The following CYB5R4 variants were observed in gnomAD, a reference collection of about 807,000 sequenced individuals.
CYB5R4 encodes the protein cytochrome b5 reductase 4.
A neutral mutation model predicts 70.2 loss-of-function variants in CYB5R4; 55 were observed. The observed-to-expected ratio is 0.78, with a 90% CI of 0.63 to 0.98. The LOEUF is 0.98. Ranked by LOEUF, CYB5R4 falls within the 50% of genes least tolerant of loss-of-function variation. The pLI, the probability that CYB5R4 is intolerant of heterozygous loss-of-function variation, is 0.00. For synonymous variants in CYB5R4, 197 were observed against 199.5 expected (o/e 0.99, Z 0.11); for missense variants, 562 against 612.6 (o/e 0.92, Z 0.87).
intron 14 of CYB5R4, among the ~76,000 whole-genome samples, chr6:83,945,410 A>G (rs2099470418): frequency 6.6e-6 from 1 of 152,214 alleles, no homozygotes. Context: ...TCTCTGGGAC[A>G]CAGCTAAAGC....
At position 83,934,634 on chromosome 6, in the gene CYB5R4, A is replaced by T. The variant is rs201872238; in HGVS notation, c.854A>T (p.Asp285Val). 13 of 1,612,858 alleles carry T rather than the reference A, an allele frequency of 8.1e-6. No homozygotes were observed. Among genetic ancestry groups the T allele is most frequent in the Non-Finnish European group, 8.5e-7 (1 of 1,178,992 alleles). Residue 285 changes from aspartate to valine, a missense_variant, in exon 11 of 16, where the codon GAT becomes GTT. By Grantham distance (152) the Asp-to-Val change is radical (BLOSUM62 -3). Coordinates refer to ENST00000369681, the MANE Select transcript of CYB5R4 (RefSeq NM_016230.4). ...AAGTGCCAGTTAATTTCCAAGGAAG[A>T]TGTTACTCATGATACGAGGCTTTTC... ...YRKCQLISKE[D>V]VTHDTRLFCL...
At position 83,892,950 on chromosome 6, in the gene CYB5R4, C is replaced by T. The variant is rs2099461351; in HGVS notation, c.230-572C>T. 2.0e-5 allele frequency among the ~76,000 whole-genome samples: 3 copies of T among 151,964 alleles called. No homozygotes were observed. The South Asian group carries it at 6.2e-4, about 32-fold the overall frequency. ...AATTTTCTTTTGCATTTTTGCATGT[C>T]TTGAGAGTAGAGGCACTGTCTTTTT... On this transcript the variant is annotated intron_variant, in intron 2 of 15. Transcript: ENST00000369681.
intron 2 of CYB5R4, among the ~76,000 whole-genome samples, chr6:83,873,669 T>A (rs938790457): frequency 2.0e-5 from 3 of 152,250 alleles, no homozygotes; most frequent in African/African-American, 7.2e-5. Flanking sequence ...ATTTAATGAA[T>A]ATTTCTCAAG....
chr6:83,860,110 T>A (rs2099455698), intron 1 of CYB5R4, among the ~76,000 whole-genome samples: 1 of 152,016 alleles, frequency 6.6e-6, no homozygotes. Flanking sequence ...TTCCTCCAAG[T>A]CCTTTCCCGC....
At chr6:83,873,629 A>G (rs2099458011) in intron 2 of CYB5R4, among the ~76,000 whole-genome samples, 1 of 152,160 alleles carries the variant, frequency 6.6e-6, no homozygotes. Flanking sequence ...TAGAGAAGAC[A>G]GGTTTTAAGT....
At chr6:83,921,196 A>G in intron 8 of CYB5R4, 21 bp downstream of exon 8, 9 of 1,456,606 alleles carry the variant, frequency 6.2e-6, no homozygotes, top group Non-Finnish European at 7.4e-6. Flanking sequence ...TATTATTATT[A>G]ATGGAAAGAG....
chr6:83,904,919 A>G (rs533064164), intron 3 of CYB5R4, among the ~76,000 whole-genome samples: 63 of 152,212 alleles, frequency 4.1e-4, no homozygotes, highest in East Asian at 1.9e-3. Flanking sequence ...ATCTGTTGCC[A>G]GAGAATTATT....
rs1180231896 is a variant in CYB5R4 at position 83,965,617 on chromosome 6, G to A, written c.*5739G>A. The A allele has an allele frequency of 6.6e-6, 1 of 152,168 alleles. No homozygotes were observed. Among genetic ancestry groups the A allele is most frequent in the Non-Finnish European group, 1.5e-5 (1 of 68,040 alleles). 9.4% of individuals were successfully genotyped at this position (152,168 alleles called of 1,614,324 possible). ...AACTGTGGACTTTTGGGTTAATGCT[G>A]AAATGATTTAAGACTTTGGGGTACT... On this transcript the variant is annotated 3_prime_UTR_variant, in exon 16 of 16. Coordinates refer to ENST00000369681, the MANE Select transcript of CYB5R4 (RefSeq NM_016230.4).
At chr6:83,882,726 G>A (rs1011222786) in intron 2 of CYB5R4, among the ~76,000 whole-genome samples, 1 of 152,138 alleles carries the variant, frequency 6.6e-6, no homozygotes, top group Admixed American at 6.5e-5. Flanking sequence ...GGTGGCTCAC[G>A]CCTATAATCC....
intron 14 of CYB5R4, among the ~76,000 whole-genome samples, chr6:83,945,218 G>A (rs975622435): frequency 3.3e-5 from 5 of 149,470 alleles, no homozygotes; most frequent in Admixed American, 6.7e-5. Context: ...AAATCATAAC[G>A]GTCTCCCAGA....
At chr6:83,916,771 G>A (rs1302402278) in intron 5 of CYB5R4, among the ~76,000 whole-genome samples, 4 of 152,052 alleles carry the variant, frequency 2.6e-5, no homozygotes, top group African/African-American at 9.7e-5. Flanking sequence ...AGCTTGTCTT[G>A]AAACAAAACG....
chr6:83,917,832 G>A (rs562284906), intron 5 of CYB5R4, among the ~76,000 whole-genome samples, 173 bp from the exon 6 acceptor site: 8 of 152,160 alleles, frequency 5.3e-5, no homozygotes, highest in African/African-American at 1.9e-4. Context: ...GGGTATGTAT[G>A]TTTCACTTTA....
At chr6:83,882,860 GC>G (rs2099459680) in intron 2 of CYB5R4, among the ~76,000 whole-genome samples, 3 of 152,068 alleles carry the variant, frequency 2.0e-5, no homozygotes, top group Admixed American at 1.3e-4. Flanking sequence ...TATAGTCTGA[GC>G]TACTCGGGAG....
At chr6:83,881,952 T>C (rs1405347713) in intron 2 of CYB5R4, among the ~76,000 whole-genome samples, 1 of 152,222 alleles carries the variant, frequency 6.6e-6, no homozygotes, top group African/African-American at 2.4e-5. Context: ...TTCATTGAAG[T>C]TGGAAAGTTT....
chr6:83,893,734 C>T (rs2099461470), intron 3 of CYB5R4, 112 bp downstream of exon 3: 3 of 585,248 alleles, frequency 5.1e-6, no homozygotes, highest in Non-Finnish European at 8.8e-6. Context: ...GATGCATTGG[C>T]TTGAATTTTG....
chr6:83,921,686 C>A (rs1256706243), intron 8 of CYB5R4, among the ~76,000 whole-genome samples: 3 of 152,130 alleles, frequency 2.0e-5, no homozygotes, highest in Non-Finnish European at 4.4e-5. Flanking sequence ...GTGGTAGAAA[C>A]CAGGGAACCC....
chr6:83,872,608 C>G (rs1344012570), intron 2 of CYB5R4, among the ~76,000 whole-genome samples: 1 of 152,172 alleles, frequency 6.6e-6, no homozygotes, highest in Non-Finnish European at 1.5e-5. Context: ...TCTGAGATCA[C>G]TGTGTTTTAG....
chr6:83,873,261 A>G (rs1460484617), intron 2 of CYB5R4, among the ~76,000 whole-genome samples: 3 of 66,762 alleles, frequency 4.5e-5, no homozygotes, highest in East Asian at 4.3e-4. Flanking sequence ...TTTTTTTTTG[A>G]CAGGGTCTCA....
chr6:83,909,155 AT>A (rs2099464280), intron 4 of CYB5R4, 65 bp downstream of exon 4: 1 of 1,364,440 alleles, frequency 7.3e-7, no homozygotes, highest in Admixed American at 1.8e-5. Context: ...TTTAACTTGG[AT>A]TTAAACAACT....
Sources: gnomAD v4.1 joint callset for allele counts (sites outside exome capture counted in the v4.1 genomes callset) on GRCh38, gnomAD v4.1.1 for gene constraint, MANE v1.5 for transcripts, NCBI Gene and HGNC (gene_info 2026-07-23, HGNC 2026-07-21) for gene names.